Variants in SPC25 observed in about 807,000 individuals in gnomAD.
SPC25 encodes kinetochore protein Spc25.
A neutral mutation model predicts 29.6 loss-of-function variants in SPC25; 22 were observed. The ratio of observed to expected loss-of-function variants is 0.74; its 90% CI spans 0.53 to 1.06. The LOEUF (loss-of-function observed/expected upper bound fraction) is 1.06, where lower values mean the gene tolerates loss of function less well. Ranked by LOEUF, SPC25 falls within the 50% of genes least tolerant of loss-of-function variation. The pLI is 0.00. For missense variants in SPC25, 230 were observed against 255.8 expected (o/e 0.90, Z 0.69); for synonymous variants, 91 against 90.4 (o/e 1.01, Z -0.04).
rs1559158680 is a variant in SPC25 at position 168,889,034 on chromosome 2, C to CATATATACATATATACACATATATGT, written c.199+191_199+192insACATATATGTGTATATATGTATATAT. Reference sequence around the variant, plus strand: ...ATGTATATATATACACATATATATACATATATATATACACATATATATACA... The same window carrying CATATATACATATATACACATATATGT: ...ATGTATATATATACACATATATATACATATATACATATATACACATATATGTATATATATATACACATATATATACA... On this transcript the variant is annotated intron_variant, in intron 3 of 6. Transcript: ENST00000282074. Among the ~76,000 whole-genome samples, 10 of 21,640 alleles carry CATATATACATATATACACATATATGT rather than the reference C, an allele frequency of 4.6e-4. 1 individual carries two copies. The highest frequency in any genetic ancestry group is 1.1e-3 in the African/African-American group (10 of 8,842). The allele number at this position is 21,640 out of a possible 152,430, so 14.2% of individuals were successfully genotyped here. A position where few individuals can be genotyped will look rare whatever the true frequency, so the allele number is the denominator to read the frequency against.
intron 3 of SPC25, among the ~76,000 whole-genome samples, chr2:168,881,570 C>T (rs1690178319): frequency 1.3e-5 from 2 of 152,120 alleles, no homozygotes; most frequent in South Asian, 4.1e-4. Flanking sequence ...ATAAGCAGAG[C>T]CAGTAGAGCT....
chr2:168,868,533 G>A (rs13425237), downstream of SPC25, among the ~76,000 whole-genome samples: 24 of 152,136 alleles, frequency 1.6e-4, no homozygotes, highest in African/African-American at 4.6e-4. Flanking sequence ...TATCACCACC[G>A]ATCCCACAGA....
At chr2:168,863,473 G>GATGATCCTGAAGGGGGCAGATCTTTC (rs1689612491) in intron 4 of SPC25, 22 of 985,274 alleles carry the variant, frequency 2.2e-5, no homozygotes, top group Non-Finnish European at 2.7e-5. Flanking sequence ...GACGGGGGCA[G>GATGATCCTGAAGGGGGCAGATCTTTC]ATGATCCTGA....
chr2:168,876,102 G>C lies in SPC25; in HGVS notation c.421C>G (p.Arg141Gly). Residue 141 changes from arginine (R) to glycine (G), a missense_variant, in exon 5 of 7, where the codon CGA becomes GGA. Coordinates refer to ENST00000282074, the MANE Select transcript of SPC25 (RefSeq NM_020675.4). ...LQKSADLYKD[R>G]LGLEIRKIYG... ...ATTTTTCGAATTTCTAGTCCAAGTCGATCTTTATACAAGTCTGCAGATTTC... is the reference window on the plus strand; with the variant it reads ...ATTTTTCGAATTTCTAGTCCAAGTCCATCTTTATACAAGTCTGCAGATTTC... The C allele has an allele frequency of 6.4e-7, 1 of 1,551,986 alleles. No homozygotes were observed. Among genetic ancestry groups the C allele is most frequent in the Non-Finnish European group, 8.6e-7 (1 of 1,156,304 alleles).
In SPC25 at chr2:168,871,294, T is replaced by C. The variant is rs1319642393; in HGVS notation, c.*137A>G. 1.3e-6 allele frequency: 1 copy of C among 746,504 alleles called. No individual in the cohort carries two copies. The highest frequency in any genetic ancestry group is 3.1e-5 in the East Asian group (1 of 32,108). The allele number at this position is 746,504 out of a possible 1,614,324, so 46.2% of individuals were successfully genotyped here. A position where few individuals can be genotyped will look rare whatever the true frequency, so the allele number is the denominator to read the frequency against. On this transcript the variant is annotated 3_prime_UTR_variant, in exon 7 of 7. Transcript: ENST00000282074. Reference sequence around the variant, plus strand: ...GGGTGCAGCACACCAATATGGCACATGTATACATATGTAACAAACCTGCAC... The same window carrying C: ...GGGTGCAGCACACCAATATGGCACACGTATACATATGTAACAAACCTGCAC...
At position 168,864,699 on chromosome 2, in the gene SPC25, T is replaced by G. The variant is rs187845028; in HGVS notation, n.419+8886A>C. The G allele has an allele frequency of 3.2e-6, 3 of 937,406 alleles. No homozygotes were observed. The Admixed American group carries it at 7.0e-5, about 22-fold the overall frequency. 58.1% of individuals were successfully genotyped at this position (937,406 alleles called of 1,614,324 possible). On this transcript the variant is annotated intron_variant and non_coding_transcript_variant, in intron 4 of 4. Coordinates refer to the SPC25 transcript ENST00000479309. ...TACACAGGTGTTCGATACATTTGGCTTCATCTGAATCAAGTGCAGAAAATG... is the reference window on the plus strand; with the variant it reads ...TACACAGGTGTTCGATACATTTGGCGTCATCTGAATCAAGTGCAGAAAATG...
intron 3 of SPC25, among the ~76,000 whole-genome samples, chr2:168,887,554 G>T (rs900388190): frequency 1.3e-5 from 2 of 152,152 alleles, no homozygotes; most frequent in African/African-American, 2.4e-5. Context: ...GTAAGTCAAG[G>T]CTACCCATTT....
chr2:168,884,118 A>G (rs1188470544), intron 3 of SPC25, among the ~76,000 whole-genome samples: 1 of 152,096 alleles, frequency 6.6e-6, no homozygotes, highest in African/African-American at 2.4e-5. Context: ...TCTTATTCCC[A>G]GGACCGACAT....
At chr2:168,871,935 A>C (rs1172816245) in intron 6 of SPC25, among the ~76,000 whole-genome samples, 2 of 150,828 alleles carry the variant, frequency 1.3e-5, no homozygotes, top group Non-Finnish European at 2.9e-5. Flanking sequence ...GGTCTGACTG[A>C]CTTTTCATTT....
intron 1 of SPC25, 65 bp from the exon 2 acceptor site, chr2:168,889,598 C>A: frequency 6.7e-7 from 1 of 1,496,134 alleles, no homozygotes; most frequent in South Asian, 1.3e-5. Flanking sequence ...ATATTCCAAT[C>A]GGGTATACAG....
In SPC25 at chr2:168,888,968, T is replaced by TAC. The variant is rs1263602467; in HGVS notation, c.199+257_199+258insGT. Reference sequence around the variant, plus strand: ...GTGTGTGTGTGTGTGTATATATATATATATACACACACACATATATATGTA... The same window carrying TAC: ...GTGTGTGTGTGTGTGTATATATATATACATATACACACACACATATATATGTA... On this transcript the variant is annotated intron_variant, in intron 3 of 6. Transcript: ENST00000282074. Among the ~76,000 whole-genome samples the TAC allele has an allele frequency of 3.3e-4, 29 of 88,490 alleles. 2 individuals are homozygous for TAC. The highest frequency in any genetic ancestry group is 5.2e-4 in the Admixed American group (4 of 7,664). 58.1% of individuals were successfully genotyped at this position (88,490 alleles called of 152,430 possible).
chr2:168,862,027 T>C (rs1319369778), intron 4 of SPC25: 1 of 1,614,172 alleles, frequency 6.2e-7, no homozygotes, highest in Non-Finnish European at 8.5e-7. Flanking sequence ...CCAGGCAAGA[T>C]GATGAGTTGA....
chr2:168,889,603 A>G, intron 1 of SPC25, 70 bp from the exon 2 acceptor site: 1 of 1,472,926 alleles, frequency 6.8e-7, no homozygotes, highest in Non-Finnish European at 9.1e-7. Flanking sequence ...CCAATCGGGT[A>G]TACAGTATTT....
Position 168,874,159 on chromosome 2 carries a change from G to A in SPC25, c.452-476C>T, listed in dbSNP as rs184283168. 1.2e-4 allele frequency among the ~76,000 whole-genome samples: 19 copies of A among 152,240 alleles called. No homozygotes were observed. In the East Asian group the frequency reaches 3.5e-3, roughly 28 times the overall value. ...CAACATCATTAGTCATTATGTAAAT[G>A]CAAGCCGAAACTACAATGAGATACC... On this transcript the variant is annotated intron_variant, in intron 5 of 6. Transcript: ENST00000282074.
chr2:168,887,243 A>C (rs1357400996), intron 3 of SPC25, among the ~76,000 whole-genome samples: 1 of 152,048 alleles, frequency 6.6e-6, no homozygotes, highest in Non-Finnish European at 1.5e-5. Flanking sequence ...TAACACGGTG[A>C]AACCCCATCT....
At chr2:168,874,326 CA>C (rs1486863006) in intron 5 of SPC25, among the ~76,000 whole-genome samples, 1 of 152,114 alleles carries the variant, frequency 6.6e-6, no homozygotes, top group Non-Finnish European at 1.5e-5. Context: ...GGCAGATCCT[CA>C]AAAAGTTTAA....
At chr2:168,883,230 G>A (rs1372983151) in intron 3 of SPC25, among the ~76,000 whole-genome samples, 1 of 151,860 alleles carries the variant, frequency 6.6e-6, no homozygotes, top group African/African-American at 2.4e-5. Context: ...AAAAAAGATA[G>A]TTATATAGAT....
Position 168,873,580 on chromosome 2 carries a change from C to G in SPC25, c.550+5G>C. 1 of 1,593,702 alleles carries G rather than the reference C, an allele frequency of 6.3e-7. No individual in the cohort carries two copies. The highest frequency in any genetic ancestry group is 8.6e-7 in the Non-Finnish European group (1 of 1,162,430). Reference sequence around the variant, plus strand: ...AAATACCAGTTAGGAGATATTAGTACATACCTTCATAGTCCCTTGCTTCAT... The same window carrying G: ...AAATACCAGTTAGGAGATATTAGTAGATACCTTCATAGTCCCTTGCTTCAT... On this transcript the variant is annotated splice_donor_5th_base_variant and intron_variant, in intron 6 of 6. Transcript: ENST00000282074.
chr2:168,867,903 T>G (rs1305057672), downstream of SPC25, among the ~76,000 whole-genome samples: 1 of 152,230 alleles, frequency 6.6e-6, no homozygotes, highest in Admixed American at 6.5e-5. Flanking sequence ...GAATATACAT[T>G]TTTTTCAGCA....
Sources: allele counts gnomAD v4.1 joint callset (sites outside exome capture counted in the v4.1 genomes callset), GRCh38; gene constraint gnomAD v4.1.1; transcripts MANE v1.5; gene names NCBI Gene and HGNC (gene_info 2026-07-23, HGNC 2026-07-21).